Variants in VPS54 observed in about 807,000 individuals in gnomAD.
VPS54 encodes the protein VPS54 subunit of GARP complex, also known as vacuolar protein sorting-associated protein 54.
In VPS54, 45 loss-of-function variants were observed where a neutral mutation model predicts 121.5. The observed-to-expected ratio is 0.37, with a 90% CI of 0.29 to 0.47. The LOEUF is 0.47. Among genes scored for constraint, VPS54 ranks in the 20% least tolerant of loss-of-function variants. The pLI, the probability that VPS54 is intolerant of heterozygous loss-of-function variation, is 0.99. For synonymous variants in VPS54, 371 were observed against 385.8 expected (o/e 0.96, Z 0.45); for missense variants, 1,090 against 1,131.4 (o/e 0.96, Z 0.52).
At position 63,937,075 on chromosome 2, in the gene VPS54, G is replaced by A. The variant is rs533014200; in HGVS notation, c.1399-3062C>T. Among the ~76,000 whole-genome samples, 3 of 152,130 alleles carry A rather than the reference G, an allele frequency of 2.0e-5. No homozygotes were observed. The East Asian group carries it at 5.8e-4, about 29-fold the overall frequency. On this transcript the variant is annotated intron_variant, in intron 11 of 22. Transcript: ENST00000272322. Reference sequence around the variant, plus strand: ...AGAAAATACAGGGAAAAAGCTTCAGGACACTGGATTTGGCATTGATTTCTT... The same window carrying A: ...AGAAAATACAGGGAAAAAGCTTCAGAACACTGGATTTGGCATTGATTTCTT...
At chr2:63,922,962 A>C (rs908550233) in intron 12 of VPS54, among the ~76,000 whole-genome samples, 1 of 152,180 alleles carries the variant, frequency 6.6e-6, no homozygotes, top group African/African-American at 2.4e-5. Flanking sequence ...AATTAATCCA[A>C]AAAGCCCAAA....
At chr2:63,998,308 A>C (rs1202487212) in intron 1 of VPS54, among the ~76,000 whole-genome samples, 1 of 152,046 alleles carries the variant, frequency 6.6e-6, no homozygotes, top group Non-Finnish European at 1.5e-5. Flanking sequence ...TTTATAGGTG[A>C]AGTGTGTTTC....
intron 1 of VPS54, among the ~76,000 whole-genome samples, chr2:63,999,759 G>A (rs1024739147): frequency 3.3e-5 from 5 of 151,990 alleles, no homozygotes; most frequent in African/African-American, 9.7e-5. Context: ...TCTAAATCCC[G>A]TAGGTGTGCT....
At chr2:64,012,557 G>T (rs1365166793) in intron 1 of VPS54, among the ~76,000 whole-genome samples, 4 of 149,940 alleles carry the variant, frequency 2.7e-5, no homozygotes, top group Non-Finnish European at 5.9e-5. Flanking sequence ...TTCTGAGATA[G>T]AGTATAGGTG....
At chr2:63,944,750 C>G (rs1261898178) in intron 9 of VPS54, 95 bp from the exon 10 acceptor site, 2 of 997,148 alleles carry the variant, frequency 2.0e-6, no homozygotes, top group Non-Finnish European at 2.9e-6. Flanking sequence ...AAGGCCCTTA[C>G]TATATGAACA....
intron 6 of VPS54, among the ~76,000 whole-genome samples, chr2:63,962,685 G>GT (rs1229919343): frequency 6.6e-6 from 1 of 152,062 alleles, no homozygotes; most frequent in African/African-American, 2.4e-5. Flanking sequence ...CTCTGTTCCT[G>GT]TCATTATCAC....
intron 17 of VPS54, 123 bp downstream of exon 17, chr2:63,914,059 T>A (rs777236351): frequency 2.9e-6 from 3 of 1,042,866 alleles, no homozygotes; most frequent in Non-Finnish European, 4.2e-6. Flanking sequence ...CACAATCAAA[T>A]GTTATAAAAC....
chr2:63,949,201 T>G, intron 7 of VPS54, 38 bp from the exon 8 acceptor site: 1 of 1,575,734 alleles, frequency 6.3e-7, no homozygotes, highest in Non-Finnish European at 8.6e-7. Context: ...TTATATTCAC[T>G]AAAAACTACA....
At chr2:63,982,092 G>C (rs1227069042) in intron 2 of VPS54, among the ~76,000 whole-genome samples, 2 of 152,084 alleles carry the variant, frequency 1.3e-5, no homozygotes, top group Non-Finnish European at 2.9e-5. Context: ...AAATATGCAC[G>C]AGATAAAAGA....
intron 22 of VPS54, among the ~76,000 whole-genome samples, chr2:63,897,116 A>G (rs1238356424): frequency 1.3e-5 from 2 of 152,228 alleles, no homozygotes; most frequent in Non-Finnish European, 2.9e-5. Flanking sequence ...CTGTGAAAGA[A>G]TTAAGACAGA....
At chr2:63,987,144 A>T (rs2104630041) in intron 1 of VPS54, among the ~76,000 whole-genome samples, 1 of 152,302 alleles carries the variant, frequency 6.6e-6, no homozygotes, top group Non-Finnish European at 1.5e-5. Context: ...ATCCTTGCTC[A>T]CTTCAATGAC....
Position 63,972,237 on chromosome 2 carries a change from T to C in VPS54, c.386A>G (p.Lys129Arg). ...VYQQEISQRE[K>R]IHERCKNICP... ...AATATTCTTGCATCTCTCATGAATC[T>C]TCTCTCTCTAATAAAAAGACAAATA... Residue 129 changes from lysine to arginine, a missense_variant, in exon 4 of 23, where the codon AAG becomes AGG. This residue lies in a region of VPS54 where 801 missense variants were observed against 757.0 expected (regional missense o/e 1.06). Coordinates refer to ENST00000272322, the MANE Select transcript of VPS54 (RefSeq NM_016516.3). The C allele has an allele frequency of 6.3e-7, 1 of 1,588,522 alleles. No homozygotes were observed. Among genetic ancestry groups the C allele is most frequent in the Non-Finnish European group, 8.6e-7 (1 of 1,162,704 alleles).
intron 1 of VPS54, among the ~76,000 whole-genome samples, chr2:63,986,559 G>T (rs1002449403): frequency 6.6e-6 from 1 of 152,188 alleles, no homozygotes; most frequent in African/African-American, 2.4e-5. Flanking sequence ...GAATACTGCT[G>T]CAATAAATAT....
intron 7 of VPS54, 91 bp downstream of exon 7, chr2:63,961,967 T>A: frequency 7.7e-7 from 1 of 1,304,042 alleles, no homozygotes. Context: ...CATTTAACTT[T>A]GAATATATTC....
At position 63,970,210 on chromosome 2, in the gene VPS54, T is replaced by TAC. The variant is rs1301850062; in HGVS notation, c.458-1220_458-1219insGT. 5.7e-3 allele frequency among the ~76,000 whole-genome samples: 581 copies of TAC among 101,602 alleles called. 16 individuals are homozygous for TAC. Among genetic ancestry groups the TAC allele is most frequent in the African/African-American group, 0.017 (422 of 25,082 alleles). The allele number at this position is 101,602 out of a possible 152,430, so 66.7% of individuals were successfully genotyped here. On this transcript the variant is annotated intron_variant, in intron 4 of 22. Coordinates refer to ENST00000272322, the MANE Select transcript of VPS54 (RefSeq NM_016516.3). Reference sequence around the variant, plus strand: ...CTTTCCCATTAAAAAAAAATATATATATACACACACACACACACACACACA... The same window carrying TAC: ...CTTTCCCATTAAAAAAAAATATATATACATACACACACACACACACACACACA...
At chr2:63,938,061 T>TGTGTGTG (rs1674541558) in intron 11 of VPS54, among the ~76,000 whole-genome samples, 1 of 119,258 alleles carries the variant, frequency 8.4e-6, no homozygotes, top group African/African-American at 2.7e-5. Context: ...GTGTGTGTGG[T>TGTGTGTG]GTGTGTGTGT....
chr2:64,017,356 AAAC>A (rs757243944), intron 1 of VPS54, among the ~76,000 whole-genome samples: 4 of 145,052 alleles, frequency 2.8e-5, no homozygotes, highest in South Asian at 2.2e-4. Context: ...AAAAGAAAAG[AAAC>A]AAAAAAAAAG....
intron 3 of VPS54, among the ~76,000 whole-genome samples, chr2:63,973,973 T>C (rs543355563): frequency 6.6e-6 from 1 of 152,356 alleles, no homozygotes; most frequent in South Asian, 2.1e-4. Context: ...AACTTTTCAA[T>C]TTTTTCTTTC....
chr2:64,006,202 C>T (rs1034745415), intron 1 of VPS54, among the ~76,000 whole-genome samples: 19 of 152,132 alleles, frequency 1.2e-4, no homozygotes, highest in African/African-American at 4.3e-4. Context: ...ATTCAATGAA[C>T]GAATGAGCAA....
Sources: allele counts gnomAD v4.1 joint callset (sites outside exome capture counted in the v4.1 genomes callset), GRCh38; gene constraint gnomAD v4.1.1; regional missense constraint gnomAD v4.1.1; transcripts MANE v1.5; gene names NCBI Gene and HGNC (gene_info 2026-07-23, HGNC 2026-07-21).